SERGEF: variants seen among roughly 807,000 people sequenced by gnomAD.
SERGEF encodes secretion-regulating guanine nucleotide exchange factor.
A neutral mutation model predicts 50.0 loss-of-function variants in SERGEF; 51 were observed. The observed-to-expected ratio is 1.02, with a 90% CI of 0.81 to 1.29. The LOEUF (loss-of-function observed/expected upper bound fraction) is 1.29. Ranked by LOEUF, SERGEF falls within the 50% of genes most tolerant of loss-of-function variation. The probability of loss-of-function intolerance (pLI) is 0.00; values close to 1 mark genes in which losing one functional copy is unlikely to be tolerated. For missense variants in SERGEF, 521 were observed against 557.0 expected, an observed-to-expected ratio of 0.94 and a Z score of 0.65; for synonymous variants, 205 against 212.4, an observed-to-expected ratio of 0.97 and a Z score of 0.30.
Position 17,931,241 on chromosome 11 carries a change from T to C in SERGEF, c.1011+28229A>G, listed in dbSNP as rs116363211. On this transcript the variant is annotated intron_variant, in intron 9 of 10. Coordinates refer to ENST00000265965, the MANE Select transcript of SERGEF (RefSeq NM_012139.4). ...AAAACAATTTTCTCCTTTGTTTCCATTGTAATAACAGCAATATCTATAATG... is the reference window on the plus strand; with the variant it reads ...AAAACAATTTTCTCCTTTGTTTCCACTGTAATAACAGCAATATCTATAATG... Among the ~76,000 whole-genome samples the C allele has an allele frequency of 5.7e-3, 866 of 152,314 alleles. 9 individuals are homozygous for C. The highest frequency in any genetic ancestry group is 0.02 in the African/African-American group (819 of 41,562).
At chr11:17,794,950 C>T (rs1212966085) in intron 10 of SERGEF, among the ~76,000 whole-genome samples, 8 of 152,192 alleles carry the variant, frequency 5.3e-5, no homozygotes, top group Admixed American at 2.6e-4. Context: ...GCCCTGTGAG[C>T]GCTGGGGCTG....
intron 10 of SERGEF, among the ~76,000 whole-genome samples, chr11:17,813,825 T>C (rs998229615): frequency 7.9e-5 from 12 of 152,238 alleles, no homozygotes; most frequent in African/African-American, 2.4e-4. Flanking sequence ...AAACTCGTTA[T>C]CTGTATATCT....
chr11:17,840,712 C>T (rs777100629), intron 10 of SERGEF, among the ~76,000 whole-genome samples: 1 of 152,132 alleles, frequency 6.6e-6, no homozygotes, highest in Non-Finnish European at 1.5e-5. Context: ...GACAAGCCAA[C>T]CCCCTGAACT....
intron 10 of SERGEF, among the ~76,000 whole-genome samples, chr11:17,874,746 T>C (rs76663253): frequency 0.058 from 8,754 of 152,160 alleles, 844 homozygotes; most frequent in African/African-American, 0.2. Flanking sequence ...CCAGGGCTGC[T>C]TGGATGTGCA....
chr11:17,962,535 A>G (rs1853027968), intron 8 of SERGEF, among the ~76,000 whole-genome samples: 1 of 152,212 alleles, frequency 6.6e-6, no homozygotes, highest in Non-Finnish European at 1.5e-5. Flanking sequence ...TCCAAAAAGT[A>G]TAGGTATGTG....
intron 10 of SERGEF, among the ~76,000 whole-genome samples, chr11:17,808,853 T>A (rs891213279): frequency 2.6e-5 from 4 of 152,242 alleles, no homozygotes; most frequent in African/African-American, 9.6e-5. Flanking sequence ...TATAGGGTCA[T>A]GACCATGTGG....
intron 5 of SERGEF, among the ~76,000 whole-genome samples, chr11:17,999,201 G>A (rs1448894864): frequency 6.6e-6 from 1 of 152,208 alleles, no homozygotes; most frequent in Non-Finnish European, 1.5e-5. Flanking sequence ...AGTGGTTATA[G>A]GCAGGTAGAA....
At chr11:17,925,674 G>A (rs1203295072) in intron 9 of SERGEF, among the ~76,000 whole-genome samples, 1 of 151,994 alleles carries the variant, frequency 6.6e-6, no homozygotes, top group Non-Finnish European at 1.5e-5. Context: ...TGCACACAGG[G>A]AGGCACATTT....
chr11:17,839,511 G>A (rs1850462218), intron 10 of SERGEF, among the ~76,000 whole-genome samples: 1 of 152,128 alleles, frequency 6.6e-6, no homozygotes, highest in African/African-American at 2.4e-5. Context: ...TGAGTTCTTT[G>A]GGGAAACTTA....
At chr11:17,873,800 TGGAGCAGG>T (rs1260512563) in intron 10 of SERGEF, among the ~76,000 whole-genome samples, 1 of 152,186 alleles carries the variant, frequency 6.6e-6, no homozygotes, top group Non-Finnish European at 1.5e-5. Context: ...AGGGTCTGTG[TGGAGCAGG>T]GAGAGAGGAA....
At chr11:17,897,215 C>A (rs977760751) in intron 9 of SERGEF, among the ~76,000 whole-genome samples, 9 of 152,160 alleles carry the variant, frequency 5.9e-5, no homozygotes, top group Non-Finnish European at 1.3e-4. Flanking sequence ...AGGCTGACAA[C>A]CAGCAAAGAT....
intron 4 of SERGEF, among the ~76,000 whole-genome samples, chr11:18,001,249 C>A (rs909870150): frequency 2.6e-5 from 4 of 152,178 alleles, no homozygotes; most frequent in African/African-American, 9.7e-5. Context: ...AAAAATAGGT[C>A]CTCAAATTCT....
chr11:17,992,824 A>G, intron 7 of SERGEF, 107 bp downstream of exon 7: 1 of 964,802 alleles, frequency 1.0e-6, no homozygotes, highest in Admixed American at 2.1e-5. Context: ...TCAGAATTCT[A>G]GCTCCAAAGT....
intron 8 of SERGEF, among the ~76,000 whole-genome samples, chr11:17,986,487 C>T (rs1015835721): frequency 6.6e-6 from 1 of 152,190 alleles, no homozygotes; most frequent in East Asian, 1.9e-4. Context: ...GAGGCAGAAA[C>T]CTGACGCTGA....
chr11:17,964,552 C>A (rs957965233), intron 8 of SERGEF, among the ~76,000 whole-genome samples: 7 of 152,192 alleles, frequency 4.6e-5, no homozygotes, highest in Non-Finnish European at 1.0e-4. Flanking sequence ...CTGAAGATAG[C>A]AAAATGGAGT....
intron 10 of SERGEF, 198 bp downstream of exon 10, chr11:17,878,010 C>T (rs1851268602): frequency 1.9e-6 from 1 of 520,922 alleles, no homozygotes; most frequent in Non-Finnish European, 3.4e-6. Flanking sequence ...TAAAAAGATG[C>T]TCAATGATAT....
rs117091265 is a variant in SERGEF, at chr11:17,809,792, G to A, written c.1049-21379C>T. ...CCAGGAGACTAGGAGGATGGAAGTC[G>A]CAACCAGGTCTAGGATATGTGATTC... On this transcript the variant is annotated intron_variant, in intron 10 of 10. Coordinates refer to ENST00000265965, the MANE Select transcript of SERGEF (RefSeq NM_012139.4). Among the ~76,000 whole-genome samples, 21 of 152,294 alleles carry A rather than the reference G, an allele frequency of 1.4e-4. No individual in the cohort carries two copies. In the East Asian group the frequency reaches 2.5e-3, roughly 18 times the overall value.
At chr11:17,967,116 G>C (rs1853140692) in intron 8 of SERGEF, among the ~76,000 whole-genome samples, 1 of 152,172 alleles carries the variant, frequency 6.6e-6, no homozygotes, top group South Asian at 2.1e-4. Context: ...GAAATACCCT[G>C]AGTAGGCATT....
At chr11:17,854,476 T>C (rs1850777299) in intron 10 of SERGEF, among the ~76,000 whole-genome samples, 1 of 152,228 alleles carries the variant, frequency 6.6e-6, no homozygotes, top group African/African-American at 2.4e-5. Context: ...ACCACATCCT[T>C]GATCCTGCCC....
Sources: allele counts gnomAD v4.1 joint callset (sites outside exome capture counted in the v4.1 genomes callset), GRCh38; gene constraint gnomAD v4.1.1; transcripts MANE v1.5; gene names NCBI Gene and HGNC (gene_info 2026-07-23, HGNC 2026-07-21).